SYN3: variants seen among roughly 807,000 people sequenced by gnomAD.
SYN3 encodes the protein synapsin-3.
A neutral mutation model predicts 65.8 loss-of-function variants in SYN3; 35 were observed. That is an observed-to-expected ratio of 0.53 (90% CI 0.41 to 0.70). SYN3 has a LOEUF of 0.70. SYN3 is among the 30% of genes least tolerant of loss of function. The probability of loss-of-function intolerance (pLI) is 0.00; values close to 1 mark genes in which losing one functional copy is unlikely to be tolerated. For missense variants in SYN3, 680 were observed against 749.0 expected, an observed-to-expected ratio of 0.91 and a Z score of 1.08; for synonymous variants, 270 against 292.9, an observed-to-expected ratio of 0.92 and a Z score of 0.80.
chr22:32,597,131 A>G (rs570728507), intron 6 of SYN3, among the ~76,000 whole-genome samples: 2 of 147,078 alleles, frequency 1.4e-5, no homozygotes, highest in Non-Finnish European at 3.0e-5. Context: ...GTGAGGATTG[A>G]GTTATTACAT....
At chr22:32,680,823 T>C (rs1051816795) in intron 6 of SYN3, among the ~76,000 whole-genome samples, 1 of 152,216 alleles carries the variant, frequency 6.6e-6, no homozygotes, top group Non-Finnish European at 1.5e-5. Context: ...TTTTCCTCTC[T>C]CTTGAGGTTC....
At chr22:32,984,465 T>C (rs2052466864) in intron 2 of SYN3, among the ~76,000 whole-genome samples, 1 of 152,178 alleles carries the variant, frequency 6.6e-6, no homozygotes, top group South Asian at 2.1e-4. Context: ...ATCTACTCCC[T>C]TCCCCTCCCC....
chr22:32,889,370 G>T (rs534167848), intron 4 of SYN3, among the ~76,000 whole-genome samples: 3 of 152,084 alleles, frequency 2.0e-5, no homozygotes, highest in Non-Finnish European at 2.9e-5. Context: ...TTCCGGAATG[G>T]GGTAAGGGTA....
rs1325285200 is a variant in SYN3 at position 32,510,888 on chromosome 22, TCTC to T, written c.*2801_*2803del. Reference sequence around the variant, plus strand: ...TCTTGGGGGCAAGTGGGGAAGCCATTCTCCTCTTGAAGCCGGTTATCAGAGAAC... The same window carrying T: ...TCTTGGGGGCAAGTGGGGAAGCCATTCTCTTGAAGCCGGTTATCAGAGAAC... On this transcript the variant is annotated 3_prime_UTR_variant, in exon 14 of 14. Transcript: ENST00000358763. Among the ~76,000 whole-genome samples, 1 of 151,478 alleles carries T rather than the reference TCTC, an allele frequency of 6.6e-6. No individual in the cohort carries two copies. The highest frequency in any genetic ancestry group is 1.5e-5 in the Non-Finnish European group (1 of 67,984).
intron 6 of SYN3, among the ~76,000 whole-genome samples, chr22:32,741,646 T>C (rs1393393355): frequency 6.6e-6 from 1 of 152,012 alleles, no homozygotes; most frequent in Middle Eastern, 3.2e-3. Context: ...TGAGCCATCG[T>C]GCTTGCCCTC....
chr22:32,759,721 TCAGCCAGCACCCACCCACCCC>T (rs1484407714), intron 6 of SYN3, among the ~76,000 whole-genome samples: 3 of 21,574 alleles, frequency 1.4e-4, no homozygotes, highest in African/African-American at 5.4e-4. Flanking sequence ...CCACCCACCA[TCAGCCAGCACCCACCCACCCC>T]CAGCCAGCAC....
chr22:32,855,810 T>C (rs1021783138), intron 6 of SYN3, among the ~76,000 whole-genome samples: 7 of 152,174 alleles, frequency 4.6e-5, no homozygotes, highest in African/African-American at 1.7e-4. Flanking sequence ...GGGGCAAAAT[T>C]GCCTCCAGTT....
chr22:32,901,850 C>G (rs1004676148), intron 4 of SYN3, among the ~76,000 whole-genome samples: 6 of 152,226 alleles, frequency 3.9e-5, no homozygotes, highest in African/African-American at 9.6e-5. Context: ...TTCTGCCTTA[C>G]GATGTCAACC....
intron 6 of SYN3, among the ~76,000 whole-genome samples, chr22:32,781,670 T>A (rs1405386527): frequency 6.6e-6 from 1 of 150,490 alleles, no homozygotes; most frequent in African/African-American, 2.4e-5. Context: ...TTTGCTAATA[T>A]TATTATTATT....
intron 7 of SYN3, among the ~76,000 whole-genome samples, chr22:32,553,410 G>GA (rs776779178): frequency 1.4e-4 from 21 of 151,922 alleles, no homozygotes; most frequent in Admixed American, 1.3e-4. Flanking sequence ...AGGAAATCTG[G>GA]AAAAAAAATA....
intron 6 of SYN3, among the ~76,000 whole-genome samples, chr22:32,628,109 G>A (rs960772898): frequency 1.3e-5 from 2 of 152,142 alleles, no homozygotes; most frequent in Non-Finnish European, 2.9e-5. Context: ...ACAGGTGTGA[G>A]CCACCGCACC....
intron 6 of SYN3, among the ~76,000 whole-genome samples, chr22:32,796,553 T>C (rs2046432729): frequency 6.6e-6 from 1 of 152,144 alleles, no homozygotes; most frequent in South Asian, 2.1e-4. Context: ...GATCCTGCAG[T>C]ACCTCGCATC....
chr22:32,970,170 T>C (rs545193875), intron 3 of SYN3, among the ~76,000 whole-genome samples: 96 of 152,342 alleles, frequency 6.3e-4, no homozygotes, highest in Non-Finnish European at 1.1e-3. Flanking sequence ...TGCAGTCTTA[T>C]AGTAACTTAT....
chr22:32,902,566 G>C (rs1257073032), intron 4 of SYN3, among the ~76,000 whole-genome samples: 3 of 152,168 alleles, frequency 2.0e-5, no homozygotes, highest in African/African-American at 2.4e-5. Context: ...TTGAGGCCCA[G>C]GTTGTACCTT....
intron 4 of SYN3, among the ~76,000 whole-genome samples, chr22:32,906,228 C>T (rs1020363751): frequency 3.3e-5 from 5 of 152,142 alleles, no homozygotes; most frequent in Non-Finnish European, 5.9e-5. Context: ...GCTCCTGGGA[C>T]CCTCTGCAAC....
chr22:32,675,013 G>A lies in SYN3; in HGVS notation c.712-78277C>T, dbSNP rs894542220. On this transcript the variant is annotated intron_variant, in intron 6 of 13. Coordinates refer to ENST00000358763, the MANE Select transcript of SYN3 (RefSeq NM_003490.4). Reference sequence around the variant, plus strand: ...CCTTGTCACACACCTCAGCTGTGCCGGGCCAAAGACTGAACAAAGTTCTGT... The same window carrying A: ...CCTTGTCACACACCTCAGCTGTGCCAGGCCAAAGACTGAACAAAGTTCTGT... 1.4e-4 allele frequency among the ~76,000 whole-genome samples: 22 copies of A among 152,256 alleles called. No individual in the cohort carries two copies. In the East Asian group the frequency reaches 1.5e-3, roughly 11 times the overall value.
intron 6 of SYN3, among the ~76,000 whole-genome samples, chr22:32,813,252 A>G (rs1487960551): frequency 6.6e-6 from 1 of 152,198 alleles, no homozygotes; most frequent in Non-Finnish European, 1.5e-5. Context: ...AAGACAAGCA[A>G]TAAAACAGTG....
intron 6 of SYN3, among the ~76,000 whole-genome samples, chr22:32,772,145 C>T (rs1189134467): frequency 6.6e-6 from 1 of 152,152 alleles, no homozygotes; most frequent in African/African-American, 2.4e-5. Flanking sequence ...AAACTTCCCT[C>T]ATTCTTTCTG....
At chr22:32,740,945 C>T (rs978918276) in intron 6 of SYN3, among the ~76,000 whole-genome samples, 2 of 152,144 alleles carry the variant, frequency 1.3e-5, no homozygotes, top group African/African-American at 4.8e-5. Flanking sequence ...CTGAAAATCG[C>T]AGTCCCGTGG....
Sources: allele counts gnomAD v4.1 joint callset (sites outside exome capture counted in the v4.1 genomes callset), GRCh38; gene constraint gnomAD v4.1.1; transcripts MANE v1.5; gene names NCBI Gene and HGNC (gene_info 2026-07-23, HGNC 2026-07-21).